CUX2: variants seen among roughly 807,000 people sequenced by gnomAD.
The protein encoded by CUX2 is homeobox protein cut-like 2.
CUX2 carries 40 observed loss-of-function variants against 144.8 expected under a neutral mutation model. The observed-to-expected ratio is 0.28, with a 90% CI of 0.21 to 0.36. CUX2 has a LOEUF of 0.36. Among genes scored for constraint, CUX2 ranks in the 10% least tolerant of loss-of-function variants. CUX2 has a pLI of 1.00. For synonymous variants in CUX2, 827 were observed against 875.6 expected (o/e 0.94, Z 0.98); for missense variants, 1,615 against 1,994.0 (o/e 0.81, Z 3.62).
At chr12:111,290,316 C>T (rs1450722217) in intron 4 of CUX2, among the ~76,000 whole-genome samples, 2 of 152,154 alleles carry the variant, frequency 1.3e-5, no homozygotes, top group Non-Finnish European at 1.5e-5. Context: ...GGCTGGGGTA[C>T]AGTGATGCAA....
Position 111,320,825 on chromosome 12 carries a change from G to C in CUX2, c.2766+50G>C, listed in dbSNP as rs150114230. 0.049 allele frequency: 70,351 copies of C among 1,423,832 alleles called. 1,918 individuals carry two copies. Among genetic ancestry groups the C allele is most frequent in the South Asian group, 0.1 (6,646 of 66,226 alleles). 88.2% of individuals were successfully genotyped at this position (1,423,832 alleles called of 1,614,324 possible). A position where few individuals can be genotyped will look rare whatever the true frequency, so the allele number is the denominator to read the frequency against. The stretch of plus-strand genomic sequence containing the variant: ...GTCTGGGCTCTGGGAGAAGATGTCG[G>C]AGAAGTAGGATGCCCACCCAAGCAG... On this transcript the variant is annotated intron_variant, in intron 17 of 21. Coordinates refer to ENST00000261726, the MANE Select transcript of CUX2 (RefSeq NM_015267.4). The surrounding 1 kb of genome is among the most constrained non-coding windows in gnomAD (Gnocchi z 8.1).
intron 1 of CUX2, among the ~76,000 whole-genome samples, chr12:111,156,077 C>T (rs970760928): frequency 4.6e-5 from 7 of 152,280 alleles, no homozygotes; most frequent in Admixed American, 3.3e-4. Context: ...TTCATTCCAC[C>T]GCCCTGATTT....
intron 4 of CUX2, among the ~76,000 whole-genome samples, chr12:111,284,842 G>A (rs1013493713): frequency 6.6e-6 from 1 of 152,190 alleles, no homozygotes; most frequent in Non-Finnish European, 1.5e-5. Flanking sequence ...CAGTTAGTGA[G>A]CAGATGTTTA....
rs1181384826 is a variant in CUX2, at chr12:111,035,939, GT to G, written c.63+1700del. Among the ~76,000 whole-genome samples the G allele has an allele frequency of 6.6e-6, 1 of 152,188 alleles. No homozygotes were observed. The highest frequency in any genetic ancestry group is 1.5e-5 in the Non-Finnish European group (1 of 68,038). The stretch of plus-strand genomic sequence containing the variant: ...ATGCTAAAGTGGCCTTTCTGGAAGA[GT>G]GGGGGTTATGGAGGCAGAGAGAGAG... On this transcript the variant is annotated intron_variant, in intron 1 of 21. Coordinates refer to ENST00000261726, the MANE Select transcript of CUX2 (RefSeq NM_015267.4). This position sits in a 1 kb window ranked among gnomAD's most constrained non-coding sequence, Gnocchi z 6.0.
In CUX2 at chr12:111,322,716, C is replaced by T; in HGVS notation, c.2926+136C>T. ...CCCTGGCTTTCATCCCAGTCACTGT[C>T]ATGGCTGCACTGGAACATGGCGGGG... is the stretch of plus-strand genomic sequence containing the variant. On this transcript the variant is annotated intron_variant, in intron 18 of 21. Coordinates refer to ENST00000261726, the MANE Select transcript of CUX2 (RefSeq NM_015267.4). This position sits in a 1 kb window ranked among gnomAD's most constrained non-coding sequence, Gnocchi z 4.2. The T allele has an allele frequency of 3.5e-6, 4 of 1,133,804 alleles. No individual in the cohort carries two copies. Among genetic ancestry groups the T allele is most frequent in the Non-Finnish European group, 5.0e-6 (4 of 802,582 alleles). The allele number at this position is 1,133,804 out of a possible 1,614,324, so 70.2% of individuals were successfully genotyped here. A position where few individuals can be genotyped will look rare whatever the true frequency, so the allele number is the denominator to read the frequency against.
intron 1 of CUX2, among the ~76,000 whole-genome samples, chr12:111,110,450 C>T (rs1168524102): frequency 6.6e-6 from 1 of 152,062 alleles, no homozygotes; most frequent in Admixed American, 6.5e-5. Context: ...GCCAGAGTGA[C>T]TCAAACATTA....
intron 1 of CUX2, among the ~76,000 whole-genome samples, chr12:111,063,441 G>A (rs906002757): frequency 6.6e-6 from 1 of 152,038 alleles, no homozygotes; most frequent in African/African-American, 2.4e-5. Context: ...CATGTGAGAC[G>A]CTGTGCTAGA....
intron 1 of CUX2, among the ~76,000 whole-genome samples, chr12:111,189,585 C>T (rs77693986): frequency 0.034 from 5,152 of 152,298 alleles, 115 homozygotes; most frequent in African/African-American, 0.066. Flanking sequence ...ATGTATTTAT[C>T]CATTCTCCTG....
rs562022935 is a variant in CUX2, at chr12:111,312,269, C to T, written c.2002+68C>T. ...CAGCTGCGAACAGGAGATGAGGCTT[C>T]GTCTACCTTTGTCCACCCCAGAGGG... On this transcript the variant is annotated intron_variant, in intron 16 of 21. Transcript: ENST00000261726. This position sits in a 1 kb window ranked among gnomAD's most constrained non-coding sequence, Gnocchi z 4.3. 3.8e-5 allele frequency: 53 copies of T among 1,391,986 alleles called. No homozygotes were observed. In the African/African-American group the frequency reaches 6.0e-4, roughly 16 times the overall value. 86.2% of individuals were successfully genotyped at this position (1,391,986 alleles called of 1,614,324 possible). A position where few individuals can be genotyped will look rare whatever the true frequency, so the allele number is the denominator to read the frequency against.
chr12:111,101,428 C>T (rs1044253462), intron 1 of CUX2, among the ~76,000 whole-genome samples: 7 of 152,208 alleles, frequency 4.6e-5, no homozygotes, highest in African/African-American at 1.7e-4. Context: ...CTGGTGGCTG[C>T]CGGGCTTCTC....
chr12:111,058,900 T>G lies in CUX2; in HGVS notation c.63+24660T>G, dbSNP rs573245963. The stretch of plus-strand genomic sequence containing the variant: ...CAATACTCATATATATGGGGAGATA[T>G]GCTCTGTGACAAGGGTTTGTGATAA... On this transcript the variant is annotated intron_variant, in intron 1 of 21. Transcript: ENST00000261726. 2.0e-5 allele frequency among the ~76,000 whole-genome samples: 3 copies of G among 152,342 alleles called. No individual in the cohort carries two copies. The South Asian group carries it at 6.2e-4, about 32-fold the overall frequency.
At chr12:111,248,596 G>T (rs1883399225) in intron 3 of CUX2, among the ~76,000 whole-genome samples, 1 of 152,026 alleles carries the variant, frequency 6.6e-6, no homozygotes, top group Non-Finnish European at 1.5e-5. Context: ...GGGCTGGTGG[G>T]CTTTGAGAAA....
chr12:111,291,458 C>G lies in CUX2; in HGVS notation c.342C>G (p.Asp114Glu). The change falls in exon 5 of 22, where the codon GAC (aspartate) becomes GAG (glutamate). Residue 114 changes from aspartate (D) to glutamate (E), a missense_variant. Physicochemically the swap from Asp to Glu is conservative, Grantham distance 45. Coordinates refer to ENST00000261726, the MANE Select transcript of CUX2 (RefSeq NM_015267.4). ...PVFEAARSLD[D>E]RLQPPSFDPS... Reference sequence around the variant, plus strand: ...TTGAGGCGGCACGCAGCCTAGACGACAGACTGCAGCCCCCCAGCTTTGACC... The same window carrying G: ...TTGAGGCGGCACGCAGCCTAGACGAGAGACTGCAGCCCCCCAGCTTTGACC... 1 of 1,612,816 alleles carries G rather than the reference C, an allele frequency of 6.2e-7. No homozygotes were observed. The highest frequency in any genetic ancestry group is 8.5e-7 in the Non-Finnish European group (1 of 1,179,422).
intron 19 of CUX2, 59 bp downstream of exon 19, chr12:111,334,769 C>G: frequency 6.6e-7 from 1 of 1,521,036 alleles, no homozygotes; most frequent in Non-Finnish European, 8.9e-7. Flanking sequence ...TCCTACTTGC[C>G]TTGAAAAGGT....
intron 5 of CUX2, 24 bp downstream of exon 5, chr12:111,291,576 C>T (rs756650119): frequency 3.9e-6 from 6 of 1,557,858 alleles, no homozygotes; most frequent in African/African-American, 1.4e-5. Context: ...CTTCTCGGAG[C>T]GTCTACAATA....
chr12:111,147,497 C>T (rs1211291157), intron 1 of CUX2, among the ~76,000 whole-genome samples: 1 of 152,244 alleles, frequency 6.6e-6, no homozygotes, highest in Non-Finnish European at 1.5e-5. Flanking sequence ...TTCCCTGGCA[C>T]AGTTCCAAGC....
chr12:111,111,120 G>A (rs1873925154), intron 1 of CUX2, among the ~76,000 whole-genome samples: 1 of 152,170 alleles, frequency 6.6e-6, no homozygotes, highest in African/African-American at 2.4e-5. Flanking sequence ...TGGCCAACAT[G>A]GTGAAACCCC....
In CUX2 at chr12:111,061,589, G is replaced by A. The variant is rs1000109812; in HGVS notation, c.63+27349G>A. Among the ~76,000 whole-genome samples, 1 of 152,128 alleles carries A rather than the reference G, an allele frequency of 6.6e-6. No homozygotes were observed. The highest frequency in any genetic ancestry group is 1.5e-5 in the Non-Finnish European group (1 of 68,032). On this transcript the variant is annotated intron_variant, in intron 1 of 21. Transcript: ENST00000261726. This position sits in a 1 kb window ranked among gnomAD's most constrained non-coding sequence, Gnocchi z 4.2. Reference sequence around the variant, plus strand: ...TCTACACCCTCGTCCTGCTTTGCCCGCCTAAGTACATCCAACTCTACATCA... The same window carrying A: ...TCTACACCCTCGTCCTGCTTTGCCCACCTAAGTACATCCAACTCTACATCA...
intron 2 of CUX2, among the ~76,000 whole-genome samples, chr12:111,214,571 A>T (rs574760755): frequency 6.6e-6 from 1 of 152,246 alleles, no homozygotes; most frequent in East Asian, 1.9e-4. Context: ...TTTTCCCCCA[A>T]CATTCATATC....
Sources: allele counts gnomAD v4.1 joint callset (sites outside exome capture counted in the v4.1 genomes callset), GRCh38; gene constraint gnomAD v4.1.1; non-coding constraint Gnocchi (gnomAD v3.1); transcripts MANE v1.5; gene names NCBI Gene and HGNC (gene_info 2026-07-23, HGNC 2026-07-21).